Variants in TYW1 observed in about 807,000 individuals in gnomAD.
The protein encoded by TYW1 is S-adenosyl-L-methionine-dependent tRNA 4-demethylwyosine synthase TYW1.
In TYW1, 46 loss-of-function variants were observed where a neutral mutation model predicts 96.2. The observed-to-expected ratio is 0.48, with a 90% confidence interval of 0.38 to 0.61. The LOEUF is 0.61. TYW1 is among the 20% of genes least tolerant of loss of function. The pLI, the probability that TYW1 is intolerant of heterozygous loss-of-function variation, is 0.00. For synonymous variants in TYW1, 274 were observed against 323.0 expected (o/e 0.85, Z 1.63); for missense variants, 684 against 909.6 (o/e 0.75, Z 3.19).
chr7:67,044,393 C>T (rs984982346), intron 7 of TYW1, among the ~76,000 whole-genome samples: 8 of 152,182 alleles, frequency 5.3e-5, no homozygotes, highest in Middle Eastern at 3.4e-3. Context: ...CCACCACGTC[C>T]GACCTGAGTT....
At chr7:67,063,020 C>T (rs1795745944) in intron 9 of TYW1, among the ~76,000 whole-genome samples, 1 of 152,130 alleles carries the variant, frequency 6.6e-6, no homozygotes, top group African/African-American at 2.4e-5. Context: ...ACTAATCTCT[C>T]AGGAATTTAG....
Position 67,017,865 on chromosome 7 carries a change from G to T in TYW1, c.583G>T (p.Val195Phe), listed in dbSNP as rs755653342. The part of the protein sequence containing the change: ...ASHFNKVGKN[V>F]DKWLWMLGAH... ...CTTTTCCTCACAGGTTGGCAAAAATGTTGACAAGTGGCTCTGGATGCTTGG... is the reference window on the plus strand; with the variant it reads ...CTTTTCCTCACAGGTTGGCAAAAATTTTGACAAGTGGCTCTGGATGCTTGG... The change falls in exon 6 of 16, where the codon GTT becomes TTT. Residue 195 changes from valine (V) to phenylalanine (F), a missense_variant. Transcript: ENST00000359626. 3.7e-6 allele frequency: 6 copies of T among 1,611,078 alleles called. No homozygotes were observed. In the South Asian group the frequency reaches 5.5e-5, roughly 15 times the overall value.
chr7:67,009,968 A>G (rs1323752427), intron 4 of TYW1, among the ~76,000 whole-genome samples: 2 of 147,808 alleles, frequency 1.4e-5, no homozygotes, highest in African/African-American at 5.0e-5. Context: ...CCTTCCCACA[A>G]TTTTCTTTTT....
chr7:67,224,643 T>G (rs763987350), intron 15 of TYW1, among the ~76,000 whole-genome samples: 23 of 152,240 alleles, frequency 1.5e-4, no homozygotes, highest in Non-Finnish European at 2.5e-4. Flanking sequence ...ATTAGCACTT[T>G]GAAGATATTC....
chr7:67,186,891 T>C (rs892567516), intron 14 of TYW1, among the ~76,000 whole-genome samples: 3 of 152,144 alleles, frequency 2.0e-5, no homozygotes, highest in African/African-American at 7.2e-5. Flanking sequence ...CTCCATGTGA[T>C]AGGCCTTGTT....
intron 7 of TYW1, among the ~76,000 whole-genome samples, chr7:67,033,747 G>A (rs1794743061): frequency 6.6e-6 from 1 of 151,290 alleles, no homozygotes; most frequent in Non-Finnish European, 1.5e-5. Context: ...CAAGGCTGGA[G>A]TGCAGTGGCG....
At position 66,996,853 on chromosome 7, in the gene TYW1, C is replaced by G; in HGVS notation, c.-126C>G. On this transcript the variant is annotated 5_prime_UTR_variant, in exon 1 of 16. Coordinates refer to ENST00000359626, the MANE Select transcript of TYW1 (RefSeq NM_018264.4). ...CCGGCCTGGCAGTGTCATGGCTGCC[C>G]ACAGGTCTGCAGGCACTCGGTACGC... 2.0e-6 allele frequency: 3 copies of G among 1,528,362 alleles called. No individual in the cohort carries two copies. Among genetic ancestry groups the G allele is most frequent in the Non-Finnish European group, 8.9e-7 (1 of 1,120,374 alleles). 94.7% of individuals were successfully genotyped at this position (1,528,362 alleles called of 1,614,324 possible). A position where few individuals can be genotyped will look rare whatever the true frequency, so the allele number is the denominator to read the frequency against.
At position 67,083,540 on chromosome 7, in the gene TYW1, G is replaced by A; in HGVS notation, c.1384+1G>A. The A allele has an allele frequency of 2.5e-6, 4 of 1,613,996 alleles. No individual in the cohort carries two copies. ...CAGAACATGATTAAGCAGTTTAAAGGTATTTATCTTCCCTCTACAAAGGAA... is the reference window on the plus strand; with the variant it reads ...CAGAACATGATTAAGCAGTTTAAAGATATTTATCTTCCCTCTACAAAGGAA... On this transcript the variant is annotated splice_donor_variant, in intron 11 of 15. Transcript: ENST00000359626. LOFTEE classifies it high-confidence loss of function.
intron 14 of TYW1, among the ~76,000 whole-genome samples, chr7:67,187,333 G>A (rs1298204009): frequency 1.3e-5 from 2 of 151,930 alleles, no homozygotes; most frequent in Non-Finnish European, 2.9e-5. Context: ...CAAAGTGTTG[G>A]GATTACAGGC....
At chr7:67,209,885 T>G (rs1014393566) in intron 15 of TYW1, among the ~76,000 whole-genome samples, 1 of 152,138 alleles carries the variant, frequency 6.6e-6, no homozygotes, top group African/African-American at 2.4e-5. Flanking sequence ...ATTTTTTTTT[T>G]CAATAGACTT....
chr7:67,177,114 A>T (rs2116281864), intron 13 of TYW1, among the ~76,000 whole-genome samples: 1 of 152,384 alleles, frequency 6.6e-6, no homozygotes, highest in African/African-American at 2.4e-5. Context: ...CCAGAAGCAG[A>T]TCCTCACATG....
intron 13 of TYW1, among the ~76,000 whole-genome samples, chr7:67,119,337 C>T (rs1396618655): frequency 2.0e-5 from 3 of 152,120 alleles, no homozygotes. Context: ...ACTTGCCTTT[C>T]TCTCCTGTGC....
At chr7:67,177,663 G>A (rs1799715464) in intron 13 of TYW1, among the ~76,000 whole-genome samples, 1 of 152,174 alleles carries the variant, frequency 6.6e-6, no homozygotes. Context: ...TGCAAAAGTG[G>A]TGAAAACTAG....
chr7:67,091,256 T>C (rs550379539), intron 11 of TYW1, among the ~76,000 whole-genome samples: 33,660 of 146,552 alleles, frequency 0.23, 4,312 homozygotes, highest in African/African-American at 0.3. Context: ...GAATTCATGT[T>C]TTTTTTAGGG....
chr7:67,082,731 G>A (rs1489616412), intron 10 of TYW1, among the ~76,000 whole-genome samples: 2 of 152,100 alleles, frequency 1.3e-5, no homozygotes, highest in African/African-American at 4.8e-5. Flanking sequence ...TCTCCTTGCT[G>A]TACTGCGCTG....
chr7:67,222,746 C>T (rs1349195244), intron 15 of TYW1, among the ~76,000 whole-genome samples: 4 of 151,580 alleles, frequency 2.6e-5, no homozygotes, highest in African/African-American at 9.7e-5. Flanking sequence ...AAATTTTGAC[C>T]ATTATTTCTT....
chr7:67,195,457 C>A, intron 15 of TYW1, 120 bp downstream of exon 15: 1 of 1,466,834 alleles, frequency 6.8e-7, no homozygotes, highest in Non-Finnish European at 9.3e-7. Context: ...GCTACCTTTC[C>A]CAAAACAAAA....
chr7:67,175,413 C>G (rs1284068343), intron 13 of TYW1, among the ~76,000 whole-genome samples: 1 of 152,152 alleles, frequency 6.6e-6, no homozygotes, highest in Non-Finnish European at 1.5e-5. Flanking sequence ...TCAGGTGATC[C>G]ACCTGCCTCA....
At chr7:67,067,729 G>A (rs1188688530) in intron 10 of TYW1, among the ~76,000 whole-genome samples, 1 of 151,970 alleles carries the variant, frequency 6.6e-6, no homozygotes, top group African/African-American at 2.4e-5. Context: ...ATCCTTTTGT[G>A]CTTTCTGTTT....
Sources: gnomAD v4.1 joint callset for allele counts (sites outside exome capture counted in the v4.1 genomes callset) on GRCh38, gnomAD v4.1.1 for gene constraint, MANE v1.5 for transcripts, NCBI Gene and HGNC (gene_info 2026-07-23, HGNC 2026-07-21) for gene names.